Variants in RPH3AL observed in about 807,000 individuals in gnomAD.
The protein encoded by RPH3AL is rab effector Noc2.
RPH3AL carries 38 observed loss-of-function variants against 43.1 expected under a neutral mutation model. The ratio of observed to expected loss-of-function variants is 0.88; its 90% CI spans 0.68 to 1.15. The LOEUF (loss-of-function observed/expected upper bound fraction) is 1.15, where lower values mean the gene tolerates loss of function less well. RPH3AL is among the 50% of genes most tolerant of loss of function. The pLI, the probability that RPH3AL is intolerant of heterozygous loss-of-function variation, is 0.00. For synonymous variants in RPH3AL, 189 were observed against 176.3 expected (o/e 1.07, Z -0.57); for missense variants, 462 against 423.2 (o/e 1.09, Z -0.81).
At chr17:340,371 T>C (rs12450448) in intron 1 of RPH3AL, among the ~76,000 whole-genome samples, 67,477 of 71,526 alleles carry the variant, frequency 0.94, 32,004 homozygotes, top group Middle Eastern at 1. Flanking sequence ...CTCACTGCCC[T>C]GGGCTCAGGC....
intron 3 of RPH3AL, 160 bp from the exon 4 acceptor site, chr17:321,575 A>ACAGAGACGGCCCAGGTGGCAG (rs1567521601): frequency 8.8e-6 from 5 of 568,018 alleles, no homozygotes; most frequent in South Asian, 3.1e-5. Flanking sequence ...CCAGGTGGCA[A>ACAGAGACGGCCCAGGTGGCAG]CAGAGATGGC....
chr17:224,807 C>T (rs1033787383), intron 7 of RPH3AL, among the ~76,000 whole-genome samples: 2 of 152,134 alleles, frequency 1.3e-5, no homozygotes, highest in African/African-American at 4.8e-5. Flanking sequence ...AGTTCATGTC[C>T]TTTGTAGGGA....
At chr17:309,757 G>C (rs1010163400) in intron 5 of RPH3AL, among the ~76,000 whole-genome samples, 1 of 151,020 alleles carries the variant, frequency 6.6e-6, no homozygotes, top group Non-Finnish European at 1.5e-5. Flanking sequence ...CCTGCCCCAG[G>C]CTCCTGCCAG....
chr17:297,814 C>G, intron 5 of RPH3AL, among the ~76,000 whole-genome samples: 1 of 152,192 alleles, frequency 6.6e-6, no homozygotes, highest in East Asian at 1.9e-4. Flanking sequence ...CAGGTCAGGG[C>G]TGATGTTGCC....
intron 5 of RPH3AL, among the ~76,000 whole-genome samples, chr17:291,041 C>T (rs1341304624): frequency 2.0e-5 from 3 of 152,184 alleles, no homozygotes; most frequent in Admixed American, 6.5e-5. Context: ...TGCCCTCAAA[C>T]GTTGCGTACA....
intron 5 of RPH3AL, among the ~76,000 whole-genome samples, chr17:282,274 T>C (rs1260465917): frequency 6.6e-6 from 1 of 152,204 alleles, no homozygotes; most frequent in Non-Finnish European, 1.5e-5. Context: ...AACATACGTT[T>C]GCGTATAACC....
At chr17:270,823 T>A (rs1023353279) in intron 6 of RPH3AL, among the ~76,000 whole-genome samples, 1 of 152,268 alleles carries the variant, frequency 6.6e-6, no homozygotes, top group Non-Finnish European at 1.5e-5. Flanking sequence ...CCATTGCTTT[T>A]GGTGTTTTAG....
chr17:315,437 T>G (rs1162124865), intron 5 of RPH3AL, among the ~76,000 whole-genome samples: 65 of 147,002 alleles, frequency 4.4e-4, no homozygotes, highest in African/African-American at 1.6e-3. Context: ...CTGTAGTCCC[T>G]GTGCCTCACC....
intron 7 of RPH3AL, among the ~76,000 whole-genome samples, chr17:240,830 C>T (rs923677630): frequency 4.0e-5 from 6 of 151,832 alleles, no homozygotes; most frequent in African/African-American, 9.7e-5. Flanking sequence ...GAGGCCAAGG[C>T]GGGAGGATCA....
chr17:267,984 G>T (rs2042362224), intron 6 of RPH3AL, among the ~76,000 whole-genome samples: 1 of 152,166 alleles, frequency 6.6e-6, no homozygotes, highest in Admixed American at 6.5e-5. Flanking sequence ...TGCTGGATGT[G>T]AGAAGCTCCC....
chr17:316,765 C>A (rs912857075), intron 5 of RPH3AL, among the ~76,000 whole-genome samples: 3 of 133,502 alleles, frequency 2.2e-5, no homozygotes, highest in African/African-American at 2.9e-5. Flanking sequence ...CTCCATTGAC[C>A]TGAAGTCCCT....
chr17:266,014 G>A (rs1234959796), intron 6 of RPH3AL, among the ~76,000 whole-genome samples: 1 of 152,206 alleles, frequency 6.6e-6, no homozygotes, highest in Non-Finnish European at 1.5e-5. Flanking sequence ...GCCACACCAG[G>A]GCAGCTGGGC....
rs1598023437 is a variant in RPH3AL, at chr17:289,981, A to G, written c.352-8127T>C. 6.6e-6 allele frequency among the ~76,000 whole-genome samples: 1 copy of G among 152,176 alleles called. No individual in the cohort carries two copies. Among genetic ancestry groups the G allele is most frequent in the African/African-American group, 2.4e-5 (1 of 41,444 alleles). On this transcript the variant is annotated intron_variant, in intron 5 of 9. Transcript: ENST00000331302. This position sits in a 1 kb window ranked among gnomAD's most constrained non-coding sequence, Gnocchi z 5.2. The stretch of plus-strand genomic sequence containing the variant: ...CTGTGACTTCCCCTGCTGGGCCGTC[A>G]TCTTCCCAAGGGCAGAGGCCACGTC...
chr17:324,974 T>G (rs1208221274), intron 3 of RPH3AL, among the ~76,000 whole-genome samples: 2 of 152,188 alleles, frequency 1.3e-5, no homozygotes, highest in African/African-American at 4.8e-5. Flanking sequence ...TCCACCTGCC[T>G]CAGCCTCCCA....
At chr17:241,995 T>C (rs945910763) in intron 7 of RPH3AL, among the ~76,000 whole-genome samples, 7 of 152,098 alleles carry the variant, frequency 4.6e-5, no homozygotes, top group Non-Finnish European at 8.8e-5. Context: ...TATATGCCTG[T>C]AATCCCAGCT....
At chr17:258,222 A>T (rs1395108874) in intron 6 of RPH3AL, among the ~76,000 whole-genome samples, 1 of 152,074 alleles carries the variant, frequency 6.6e-6, no homozygotes, top group Admixed American at 6.6e-5. Context: ...GGCTCCACCA[A>T]ACAGGAGGAA....
At chr17:347,857 T>A (rs1050106817) in intron 1 of RPH3AL, among the ~76,000 whole-genome samples, 1 of 151,210 alleles carries the variant, frequency 6.6e-6, no homozygotes, top group Non-Finnish European at 1.5e-5. Context: ...GGAACAGAAT[T>A]CAGTGATAAA....
intron 6 of RPH3AL, among the ~76,000 whole-genome samples, chr17:262,980 C>T (rs1202880317): frequency 3.9e-5 from 6 of 152,214 alleles, no homozygotes; most frequent in Non-Finnish European, 7.3e-5. Context: ...GTGGTCCCCT[C>T]CTCTCAGGAA....
At chr17:266,311 C>T (rs1445326680) in intron 6 of RPH3AL, among the ~76,000 whole-genome samples, 2 of 151,576 alleles carry the variant, frequency 1.3e-5, no homozygotes, top group African/African-American at 2.4e-5. Context: ...TGTGTGTGTG[C>T]ACCTGCGTGC....
Sources: allele counts gnomAD v4.1 joint callset (sites outside exome capture counted in the v4.1 genomes callset), GRCh38; gene constraint gnomAD v4.1.1; non-coding constraint Gnocchi (gnomAD v3.1); transcripts MANE v1.5; gene names NCBI Gene and HGNC (gene_info 2026-07-23, HGNC 2026-07-21).